PCDH15: variants seen among roughly 807,000 people sequenced by gnomAD.
PCDH15 encodes the protein protocadherin related 15, also known as protocadherin-15.
Under a neutral mutation model 178.5 loss-of-function variants are expected in PCDH15, and 129 were observed. The observed-to-expected ratio is 0.72, with a 90% CI of 0.63 to 0.84. The LOEUF (loss-of-function observed/expected upper bound fraction) is 0.84. PCDH15 is among the 40% of genes least tolerant of loss of function. The probability of loss-of-function intolerance (pLI) is 0.00; values close to 1 mark genes in which losing one functional copy is unlikely to be tolerated. For synonymous variants in PCDH15, 800 were observed against 732.0 expected (o/e 1.09, Z -1.50); for missense variants, 2,230 against 2,099.9 (o/e 1.06, Z -1.21).
chr10:55,479,332 T>C (rs1840127958), intron 2 of PCDH15, among the ~76,000 whole-genome samples: 1 of 151,700 alleles, frequency 6.6e-6, no homozygotes, highest in Non-Finnish European at 1.5e-5. Context: ...CAAAGATGAT[T>C]CAACATATGC....
intron 1 of PCDH15, among the ~76,000 whole-genome samples, chr10:55,171,070 T>C (rs1839320650): frequency 6.6e-6 from 1 of 152,182 alleles, no homozygotes. Context: ...GACCTTAACT[T>C]TCTTCTCATT....
At chr10:53,869,275 A>C (rs1264289106) in intron 26 of PCDH15, among the ~76,000 whole-genome samples, 2 of 152,294 alleles carry the variant, frequency 1.3e-5, no homozygotes, top group East Asian at 3.9e-4. Context: ...TGAACAAAGA[A>C]AGAAAAACAG....
At chr10:54,902,067 A>T (rs1056789789) in intron 2 of PCDH15, among the ~76,000 whole-genome samples, 1 of 152,178 alleles carries the variant, frequency 6.6e-6, no homozygotes, top group Non-Finnish European at 1.5e-5. Context: ...ACAGCTTCAA[A>T]TTCACCAGTA....
At chr10:55,296,545 T>C (rs1384312366) in intron 1 of PCDH15, among the ~76,000 whole-genome samples, 3 of 152,170 alleles carry the variant, frequency 2.0e-5, no homozygotes, top group African/African-American at 2.4e-5. Context: ...AGACCAAGTA[T>C]TATAACAAAA....
intron 33 of PCDH15, among the ~76,000 whole-genome samples, chr10:53,819,235 C>T (rs576381569): frequency 4.1e-4 from 62 of 152,080 alleles, no homozygotes; most frequent in African/African-American, 6.7e-4. Context: ...AAATATCCAA[C>T]CAAAGCCAGG....
intron 8 of PCDH15, among the ~76,000 whole-genome samples, chr10:54,306,686 A>C (rs2060491572): frequency 6.6e-6 from 1 of 151,828 alleles, no homozygotes; most frequent in Non-Finnish European, 1.5e-5. Flanking sequence ...AAGTTAATGC[A>C]TAAAATTAAC....
intron 1 of PCDH15, among the ~76,000 whole-genome samples, chr10:55,186,098 T>C (rs1355876461): frequency 6.6e-6 from 1 of 151,626 alleles, no homozygotes; most frequent in African/African-American, 2.4e-5. Flanking sequence ...AAAACAAATG[T>C]TAGAAGACTG....
At position 54,239,432 on chromosome 10, in the gene PCDH15, T is replaced by TAGAGAGAGAGAGAGAGAGAGAGAGAGAG. The variant is rs370848123; in HGVS notation, c.877-2502_877-2501insCTCTCTCTCTCTCTCTCTCTCTCTCTCT. On this transcript the variant is annotated intron_variant, in intron 8 of 37. Coordinates refer to ENST00000644397, the MANE Select transcript of PCDH15 (RefSeq NM_001384140.1). ...GTGATTAAATATATATATATATATA[T>TAGAGAGAGAGAGAGAGAGAGAGAGAGAG]AGAGTAAGAACTGAAGAACTAAAAA... is the stretch of plus-strand genomic sequence containing the variant. 1.7e-3 allele frequency among the ~76,000 whole-genome samples: 253 copies of TAGAGAGAGAGAGAGAGAGAGAGAGAGAG among 150,634 alleles called. 1 individual carries two copies. The highest frequency in any genetic ancestry group is 5.9e-3 in the African/African-American group (243 of 41,048).
intron 2 of PCDH15, among the ~76,000 whole-genome samples, chr10:54,621,698 C>A (rs1037390602): frequency 2.6e-5 from 4 of 152,012 alleles, no homozygotes; most frequent in Non-Finnish European, 4.4e-5. Flanking sequence ...ATTTTCTCCT[C>A]AAATCCCATT....
At chr10:54,665,486 A>T (rs556559001) in intron 1 of PCDH15, among the ~76,000 whole-genome samples, 1 of 152,222 alleles carries the variant, frequency 6.6e-6, no homozygotes, top group East Asian at 1.9e-4. Flanking sequence ...ATCAGAGGGT[A>T]CAAAGGCACG....
intron 2 of PCDH15, among the ~76,000 whole-genome samples, chr10:55,040,005 G>A (rs945776412): frequency 6.6e-6 from 1 of 151,836 alleles, no homozygotes; most frequent in Non-Finnish European, 1.5e-5. Flanking sequence ...TAGCATTTTA[G>A]AACAAATGGC....
intron 2 of PCDH15, among the ~76,000 whole-genome samples, chr10:55,377,733 G>T (rs1011709524): frequency 6.6e-6 from 1 of 151,902 alleles, no homozygotes; most frequent in Admixed American, 6.6e-5. Context: ...TATACTTTCT[G>T]AGTACCTAGT....
chr10:54,665,710 T>G (rs935617123), intron 1 of PCDH15, among the ~76,000 whole-genome samples: 8 of 152,066 alleles, frequency 5.3e-5, no homozygotes, highest in African/African-American at 1.9e-4. Flanking sequence ...AAGTCTATTC[T>G]TCTTTGTTTC....
intron 2 of PCDH15, among the ~76,000 whole-genome samples, chr10:54,990,552 CTT>C (rs1359052653): frequency 1.3e-5 from 2 of 152,122 alleles, no homozygotes; most frequent in Non-Finnish European, 2.9e-5. Flanking sequence ...TTGGTTACCA[CTT>C]TTTCAAACTC....
intron 1 of PCDH15, among the ~76,000 whole-genome samples, chr10:54,665,846 A>G (rs1267738916): frequency 6.6e-6 from 1 of 152,070 alleles, no homozygotes; most frequent in Non-Finnish European, 1.5e-5. Flanking sequence ...AGAAGAGCTC[A>G]TTATTAGATG....
intron 11 of PCDH15, among the ~76,000 whole-genome samples, chr10:54,188,116 CA>C (rs760209665): frequency 3.2e-4 from 49 of 151,800 alleles, no homozygotes; most frequent in Non-Finnish European, 5.9e-4. Flanking sequence ...AAAGGTGTAT[CA>C]AAGGTTTGGT....
intron 2 of PCDH15, among the ~76,000 whole-genome samples, chr10:55,419,159 T>C (rs1374002744): frequency 6.6e-6 from 1 of 151,584 alleles, no homozygotes; most frequent in Non-Finnish European, 1.5e-5. Flanking sequence ...TGTGAACAAA[T>C]GTGAGATGGC....
At chr10:54,453,594 T>C (rs1207067862) in intron 3 of PCDH15, among the ~76,000 whole-genome samples, 1 of 151,666 alleles carries the variant, frequency 6.6e-6, no homozygotes. Flanking sequence ...ACATGGCACA[T>C]GTATACATAT....
intron 2 of PCDH15, among the ~76,000 whole-genome samples, chr10:55,116,687 GT>G (rs1837635853): frequency 6.6e-6 from 1 of 152,120 alleles, no homozygotes; most frequent in Admixed American, 6.6e-5. Context: ...ATGGAAAAGG[GT>G]AATGAAGTTC....
Sources: gnomAD v4.1 joint callset for allele counts (sites outside exome capture counted in the v4.1 genomes callset) on GRCh38, gnomAD v4.1.1 for gene constraint, MANE v1.5 for transcripts, NCBI Gene and HGNC (gene_info 2026-07-23, HGNC 2026-07-21) for gene names.